The following PIK3CD variants were observed in gnomAD, a reference collection of about 807,000 sequenced individuals.
PIK3CD encodes the protein phosphatidylinositol-4,5-bisphosphate 3-kinase catalytic subunit delta, also known as phosphatidylinositol 4,5-bisphosphate 3-kinase catalytic subunit delta isoform.
Under a neutral mutation model 122.9 loss-of-function variants are expected in PIK3CD, and 20 were observed. That is an observed-to-expected ratio of 0.16 (90% CI 0.11 to 0.24). The LOEUF is 0.24. PIK3CD is among the 10% of genes least tolerant of loss of function. PIK3CD has a pLI of 1.00. For synonymous variants in PIK3CD, 596 were observed against 593.4 expected (o/e 1.00, Z -0.06); for missense variants, 787 against 1,406.3 (o/e 0.56, Z 7.04).
chr1:9,644,528 T>A, the PIK3CD span, among the ~76,000 whole-genome samples: 2 of 150,442 alleles, frequency 1.3e-5, no homozygotes, highest in African/African-American at 4.9e-5. Flanking sequence ...AATAAATAAA[T>A]AAATAAATAA....
chr1:9,709,994 A>C (rs968746094), intron 2 of PIK3CD, among the ~76,000 whole-genome samples: 19 of 151,822 alleles, frequency 1.3e-4, no homozygotes, highest in African/African-American at 4.6e-4. Flanking sequence ...TGACAGAGCA[A>C]GACTCCGGCT....
chr1:9,721,345 G>T, intron 14 of PIK3CD, 97 bp downstream of exon 14: 2 of 1,608,788 alleles, frequency 1.2e-6, no homozygotes, highest in Non-Finnish European at 8.5e-7. Flanking sequence ...CTTCCCGTGG[G>T]CTTGCTCCCT....
chr1:9,667,821 C>T (rs1298554919), intron 1 of PIK3CD, among the ~76,000 whole-genome samples: 3 of 150,838 alleles, frequency 2.0e-5, no homozygotes, highest in African/African-American at 4.9e-5. Flanking sequence ...ATTGCAGCCC[C>T]GACCTCCTGG....
chr1:9,725,329 G>C (rs545646679), intron 23 of PIK3CD, among the ~76,000 whole-genome samples: 1 of 151,278 alleles, frequency 6.6e-6, no homozygotes, highest in African/African-American at 2.4e-5. Context: ...CGAGGTGGGC[G>C]GATCACCTGA....
At chr1:9,654,459 A>G (rs1463027100) in intron 1 of PIK3CD, 1 of 1,117,314 alleles carries the variant, frequency 9.0e-7, no homozygotes, top group Non-Finnish European at 1.2e-6. Context: ...GGCTTACAGG[A>G]CAGACAGTCC....
rs191559078 is a variant in PIK3CD, at chr1:9,719,521, C to T, written c.1243-400C>T. ...TGAAAATACAAAAAAATTAGCCGGGCGTGGAGGCACATGCCTGTAATCTCA... is the reference window on the plus strand; with the variant it reads ...TGAAAATACAAAAAAATTAGCCGGGTGTGGAGGCACATGCCTGTAATCTCA... On this transcript the variant is annotated intron_variant, in intron 9 of 23. Transcript: ENST00000377346. This position sits in a 1 kb window ranked among gnomAD's most constrained non-coding sequence, Gnocchi z 5.5. Among the ~76,000 whole-genome samples, 81 of 152,178 alleles carry T rather than the reference C, an allele frequency of 5.3e-4. 1 individual carries two copies. The highest frequency in any genetic ancestry group is 4.9e-3 in the Admixed American group (75 of 15,282).
intron 1 of PIK3CD, among the ~76,000 whole-genome samples, chr1:9,683,358 A>G (rs1404403027): frequency 6.6e-6 from 1 of 151,494 alleles, no homozygotes; most frequent in African/African-American, 2.4e-5. Context: ...GAATGGCGTG[A>G]ACCCGGGAGG....
chr1:9,665,201 C>CA (rs756515572), intron 1 of PIK3CD, among the ~76,000 whole-genome samples: 2,593 of 51,528 alleles, frequency 0.05, 127 homozygotes, highest in African/African-American at 0.15. Flanking sequence ...GACAGCCTGT[C>CA]AAAAAAAAAA....
At chr1:9,714,327 C>T (rs533462129) in intron 3 of PIK3CD, among the ~76,000 whole-genome samples, 1 of 152,204 alleles carries the variant, frequency 6.6e-6, no homozygotes, top group South Asian at 2.1e-4. Flanking sequence ...CTGGCTGGCT[C>T]TGTTATCTGT....
At chr1:9,721,378 G>A (rs1221490811) in intron 14 of PIK3CD, 66 bp from the exon 15 acceptor site, 1 of 1,607,814 alleles carries the variant, frequency 6.2e-7, no homozygotes, top group South Asian at 1.1e-5. Flanking sequence ...CCCTCTGGCT[G>A]CCGAGGGAGC....
upstream of PIK3CD, among the ~76,000 whole-genome samples, chr1:9,650,108 C>T (rs1253850418): frequency 6.8e-6 from 1 of 147,450 alleles, no homozygotes; most frequent in African/African-American, 2.6e-5. Context: ...CTACAAGGGA[C>T]AGGAAACATT....
chr1:9,642,775 C>G, the PIK3CD span, among the ~76,000 whole-genome samples: 1 of 149,914 alleles, frequency 6.7e-6, no homozygotes, highest in Non-Finnish European at 1.5e-5. Flanking sequence ...TAGCGTGTCA[C>G]AACCTGCTGT....
chr1:9,716,279 G>C, intron 5 of PIK3CD, 161 bp from the exon 6 acceptor site: 2 of 820,042 alleles, frequency 2.4e-6, no homozygotes, highest in Non-Finnish European at 4.0e-6. Context: ...GTGGCGTGGG[G>C]CATTGGGCAT....
chr1:9,691,830 G>C, intron 2 of PIK3CD: 1 of 329,312 alleles, frequency 3.0e-6, no homozygotes, highest in Non-Finnish European at 5.5e-6. Context: ...GCTTTGCTTT[G>C]AGGAGTCCTG....
At chr1:9,659,849 C>G (rs1174985968) in intron 1 of PIK3CD, among the ~76,000 whole-genome samples, 1 of 152,124 alleles carries the variant, frequency 6.6e-6, no homozygotes, top group Admixed American at 6.6e-5. Context: ...CTCCCTGATT[C>G]AAGCAATTCT....
intron 1 of PIK3CD, among the ~76,000 whole-genome samples, chr1:9,656,334 C>T (rs1209880305): frequency 6.6e-6 from 1 of 152,202 alleles, no homozygotes; most frequent in East Asian, 1.9e-4. Context: ...AAATATCTGA[C>T]ATCTGAAATG....
At chr1:9,668,303 A>G (rs543153059) in intron 1 of PIK3CD, among the ~76,000 whole-genome samples, 2 of 151,924 alleles carry the variant, frequency 1.3e-5, no homozygotes, top group East Asian at 3.9e-4. Flanking sequence ...AACTTCTCTG[A>G]TCCTCTATTT....
the PIK3CD span, among the ~76,000 whole-genome samples, chr1:9,638,334 A>G: frequency 1.3e-5 from 2 of 151,964 alleles, no homozygotes; most frequent in African/African-American, 4.8e-5. Context: ...GAGAGCCGTT[A>G]TCTGCAGCTT....
intron 1 of PIK3CD, chr1:9,654,490 C>A (rs1644783779): frequency 3.4e-6 from 4 of 1,161,822 alleles, no homozygotes; most frequent in Admixed American, 4.2e-5. Flanking sequence ...GTGCGAAAGC[C>A]AGCCCGCTTT....
Sources: allele counts gnomAD v4.1 joint callset (sites outside exome capture counted in the v4.1 genomes callset), GRCh38; gene constraint gnomAD v4.1.1; non-coding constraint Gnocchi (gnomAD v3.1); transcripts MANE v1.5; gene names NCBI Gene and HGNC (gene_info 2026-07-23, HGNC 2026-07-21).